The following WDR90 variants were observed in gnomAD, a reference collection of about 807,000 sequenced individuals.
The protein encoded by WDR90 is WD repeat domain 90.
A neutral mutation model predicts 195.2 loss-of-function variants in WDR90; 238 were observed. The ratio of observed to expected loss-of-function variants is 1.22; its 90% CI spans 1.10 to 1.36. WDR90 has a LOEUF of 1.36. Ranked by LOEUF, WDR90 falls within the 40% of genes most tolerant of loss-of-function variation. The probability of loss-of-function intolerance (pLI) is 0.00; values close to 1 mark genes in which losing one functional copy is unlikely to be tolerated. For synonymous variants in WDR90, 1,265 were observed against 1,052.4 expected, an observed-to-expected ratio of 1.20 and a Z score of -3.91; for missense variants, 2,734 against 2,439.5, an observed-to-expected ratio of 1.12 and a Z score of -2.54.
chr16:651,786 G>A (rs2037651477), intron 8 of WDR90, 39 bp downstream of exon 8: 2 of 1,612,376 alleles, frequency 1.2e-6, no homozygotes, highest in Non-Finnish European at 1.7e-6. Flanking sequence ...GGGTTGGGGT[G>A]TGATGGCCCA....
intron 34 of WDR90, 122 bp downstream of exon 34, chr16:662,966 C>T (rs561534144): frequency 2.0e-4 from 289 of 1,432,968 alleles, no homozygotes; most frequent in East Asian, 4.7e-4. Context: ...TCGCAGCGGC[C>T]GCCTTGGGGT....
At chr16:664,257 C>A (rs890509606) in intron 34 of WDR90, among the ~76,000 whole-genome samples, 1 of 152,280 alleles carries the variant, frequency 6.6e-6, no homozygotes, top group East Asian at 1.9e-4. Context: ...CAGCCCCTGG[C>A]GACCGTTGAG....
chr16:653,856 C>G (rs1251728121), intron 13 of WDR90, 53 bp downstream of exon 13: 1 of 1,601,600 alleles, frequency 6.2e-7, no homozygotes, highest in Non-Finnish European at 8.5e-7. Context: ...TGCACGCAGA[C>G]AGCTGGAAGG....
intron 40 of WDR90, 37 bp from the exon 41 acceptor site, chr16:667,395 G>A: frequency 6.4e-7 from 1 of 1,567,028 alleles, no homozygotes; most frequent in Non-Finnish European, 8.7e-7. Flanking sequence ...GTGCTGCCTG[G>A]TCCTGGCCCT....
At chr16:662,534 T>C (rs2151334830) in intron 33 of WDR90, 145 bp from the exon 34 acceptor site, 1 of 1,278,016 alleles carries the variant, frequency 7.8e-7, no homozygotes, top group Non-Finnish European at 1.1e-6. Context: ...CCCAGCTCCA[T>C]GGGCTTTCTC....
At chr16:660,558 G>C in intron 27 of WDR90, 54 bp from the exon 28 acceptor site, 2 of 1,527,500 alleles carry the variant, frequency 1.3e-6, no homozygotes, top group Non-Finnish European at 1.8e-6. Flanking sequence ...GCAGGCTTTG[G>C]GGCACAGGTG....
chr16:660,689 C>G lies in WDR90; in HGVS notation c.3366C>G (p.Ala1122=). 1 of 1,577,626 alleles carries G rather than the reference C, an allele frequency of 6.3e-7. No homozygotes were observed. Among genetic ancestry groups the G allele is most frequent in the Non-Finnish European group, 8.6e-7 (1 of 1,162,586 alleles). The part of the protein sequence containing the change: ...AVVGYSGNGR[A]NMVWRPDTGF... ...TCGGTTACAGCGGGAATGGGCGGGC[C>G]AACATGGTCTGGAGGCCGGACACAG... Residue 1122 remains alanine, a synonymous_variant, in exon 28 of 41, where the codon GCC becomes GCG. Coordinates refer to ENST00000293879, the MANE Select transcript of WDR90 (RefSeq NM_145294.5).
rs745901307 is a variant in WDR90, at chr16:666,087, C to G, written c.4572C>G (p.His1524Gln). The G allele has an allele frequency of 5.0e-6, 8 of 1,610,168 alleles. No homozygotes were observed. The highest frequency in any genetic ancestry group is 6.8e-6 in the Non-Finnish European group (8 of 1,179,692). Residue 1524 changes from histidine to glutamine, a missense_variant, in exon 36 of 41, where the codon CAC becomes CAG. Coordinates refer to ENST00000293879, the MANE Select transcript of WDR90 (RefSeq NM_145294.5). ...RTAMELKMHP[H>Q]PVALTTVAFS... ...CCATGGAGCTCAAGATGCACCCCCA[C>G]CCGGTGGCGCTGACCACTGTTGCCT...
chr16:653,595 T>G lies in WDR90; in HGVS notation c.1304T>G (p.Met435Arg). ...ASAQARAPSVMRLWDFQTGRC... is the reference protein window; with the variant it reads ...ASAQARAPSVRRLWDFQTGRC... Reference sequence around the variant, plus strand: ...GCCCAGGCAAGGGCCCCTAGTGTGATGCGGCTCTGGGACTTCCAGACCGGG... The same window carrying G: ...GCCCAGGCAAGGGCCCCTAGTGTGAGGCGGCTCTGGGACTTCCAGACCGGG... The change falls in exon 12 of 41, where the codon ATG becomes AGG. Residue 435 changes from methionine to arginine, a missense_variant. Met to Arg is a moderately conservative substitution (Grantham distance 91). Coordinates refer to ENST00000293879, the MANE Select transcript of WDR90 (RefSeq NM_145294.5). The G allele has an allele frequency of 5.0e-6, 8 of 1,613,558 alleles. No homozygotes were observed. In the South Asian group the frequency reaches 8.8e-5, roughly 18 times the overall value.
At chr16:658,719 C>T (rs1221451494) in intron 23 of WDR90, 66 bp downstream of exon 23, 13 of 1,581,242 alleles carry the variant, frequency 8.2e-6, no homozygotes, top group African/African-American at 1.3e-5. Flanking sequence ...CTGGAGACCC[C>T]TGCAGGTGTG....
chr16:653,085 C>A (rs989163352), intron 10 of WDR90, among the ~76,000 whole-genome samples: 1 of 152,198 alleles, frequency 6.6e-6, no homozygotes, highest in Non-Finnish European at 1.5e-5. Flanking sequence ...AGAGGACAGG[C>A]GTCTGTGCAT....
chr16:661,272 G>A (rs1218419144), intron 29 of WDR90, 70 bp from the exon 30 acceptor site: 3 of 1,533,288 alleles, frequency 2.0e-6, no homozygotes, highest in Non-Finnish European at 2.6e-6. Context: ...AGACGGAGCA[G>A]ACGGCCACCC....
At position 660,760 on chromosome 16, in the gene WDR90, C is replaced by T. The variant is rs767876770; in HGVS notation, c.3391+46C>T. The T allele has an allele frequency of 5.9e-6, 9 of 1,520,896 alleles. No homozygotes were observed. The East Asian group carries it at 9.9e-5, about 17-fold the overall frequency. 94.2% of individuals were successfully genotyped at this position (1,520,896 alleles called of 1,614,324 possible). On this transcript the variant is annotated intron_variant, in intron 28 of 40. Transcript: ENST00000293879. ...CCCACCCCCAGCCAAGATGCGGCCG[C>T]GCGTGGTCCAGCCGTCTCCACCCCA...
rs755875643 is a variant in WDR90 at position 656,022 on chromosome 16, T to G, written c.1966+133T>G. 3 of 1,124,952 alleles carry G rather than the reference T, an allele frequency of 2.7e-6. No individual in the cohort carries two copies. The African/African-American group carries it at 4.7e-5, about 18-fold the overall frequency. 69.7% of individuals were successfully genotyped at this position (1,124,952 alleles called of 1,614,324 possible). A position where few individuals can be genotyped will look rare whatever the true frequency, so the allele number is the denominator to read the frequency against. On this transcript the variant is annotated intron_variant, in intron 17 of 40. Coordinates refer to ENST00000293879, the MANE Select transcript of WDR90 (RefSeq NM_145294.5). ...CTGCACAGGGTGCCACGGGGCCAAG[T>G]GGCATATCCAGAGCCCTGGGGCGGC...
chr16:654,048 G>A (rs939651322), intron 13 of WDR90: 11 of 562,874 alleles, frequency 2.0e-5, no homozygotes, highest in African/African-American at 9.4e-5. Context: ...TTAAGCCAGC[G>A]TTTACACACC....
chr16:652,230 C>A, intron 9 of WDR90, 191 bp downstream of exon 9: 1 of 828,068 alleles, frequency 1.2e-6, no homozygotes. Context: ...TAAGGCAGGG[C>A]TTCTGCTCAC....
chr16:664,435 G>A (rs986511420), intron 34 of WDR90, among the ~76,000 whole-genome samples: 5 of 152,336 alleles, frequency 3.3e-5, no homozygotes, highest in African/African-American at 4.8e-5. Context: ...TAGATCATGT[G>A]TGTGTCCATC....
Position 662,661 on chromosome 16 carries a change from C to G in WDR90, c.4146-18C>G. 6.5e-7 allele frequency: 1 copy of G among 1,529,700 alleles called. No homozygotes were observed. Among genetic ancestry groups the G allele is most frequent in the Non-Finnish European group, 8.8e-7 (1 of 1,137,708 alleles). The allele number at this position is 1,529,700 out of a possible 1,614,324, so 94.8% of individuals were successfully genotyped here. ...TTGAGACCCATTGTTCTCTCCTTCC[C>G]TGCACCCTGAGGTCCAGTTCTGTGT... On this transcript the variant is annotated intron_variant, in intron 33 of 40. Coordinates refer to ENST00000293879, the MANE Select transcript of WDR90 (RefSeq NM_145294.5).
rs1239019328 is a variant in WDR90, at chr16:666,797, ACGCAGCTGCC to A, written c.5004+9_5004+18del. The A allele has an allele frequency of 2.1e-5, 34 of 1,612,576 alleles. No homozygotes were observed. The highest frequency in any genetic ancestry group is 2.9e-5 in the Non-Finnish European group (34 of 1,179,926). ...TACAACCTCTGCCAGAAGCAGGTAC[ACGCAGCTGCC>A]CGCGTGTCACTGGGAGCCCCAGGGA... On this transcript the variant is annotated splice_donor_region_variant and intron_variant, in intron 39 of 40. Transcript: ENST00000293879.
Sources: gnomAD v4.1 joint callset for allele counts (sites outside exome capture counted in the v4.1 genomes callset) on GRCh38, gnomAD v4.1.1 for gene constraint, MANE v1.5 for transcripts, NCBI Gene and HGNC (gene_info 2026-07-23, HGNC 2026-07-21) for gene names.